The following PPFIBP1 variants were observed in gnomAD, a reference collection of about 807,000 sequenced individuals.
The protein encoded by PPFIBP1 is liprin-beta-1.
In PPFIBP1, 112 loss-of-function variants were observed where a neutral mutation model predicts 137.8. The observed-to-expected ratio is 0.81, with a 90% confidence interval of 0.70 to 0.95. The LOEUF is 0.95. Ranked by LOEUF, PPFIBP1 falls within the 40% of genes least tolerant of loss-of-function variation. The probability of loss-of-function intolerance (pLI) is 0.00; values close to 1 mark genes in which losing one functional copy is unlikely to be tolerated. For synonymous variants in PPFIBP1, 378 were observed against 417.3 expected (o/e 0.91, Z 1.15); for missense variants, 1,083 against 1,196.6 (o/e 0.91, Z 1.40).
intron 2 of PPFIBP1, among the ~76,000 whole-genome samples, chr12:27,626,868 A>G (rs1394566660): frequency 1.3e-5 from 2 of 152,090 alleles, no homozygotes; most frequent in Non-Finnish European, 2.9e-5. Context: ...GTCTGGCAGG[A>G]TTTGCATTTC....
intron 2 of PPFIBP1, among the ~76,000 whole-genome samples, chr12:27,614,891 T>C (rs2055573425): frequency 6.6e-6 from 1 of 152,228 alleles, no homozygotes. Flanking sequence ...AATTAATTAA[T>C]GAAACAGAAA....
chr12:27,547,008 C>T (rs965729939), intron 1 of PPFIBP1: 1 of 152,258 alleles, frequency 6.6e-6, no homozygotes, highest in Non-Finnish European at 1.5e-5. Flanking sequence ...CCTCAAAAAA[C>T]AAAAACAAAT....
Position 27,647,856 on chromosome 12 carries a change from C to T in PPFIBP1, c.471+14C>T, listed in dbSNP as rs370033621. 4 of 1,602,406 alleles carry T rather than the reference C, an allele frequency of 2.5e-6. No homozygotes were observed. The highest frequency in any genetic ancestry group is 2.3e-5 in the South Asian group (2 of 88,664). Reference sequence around the variant, plus strand: ...ATGCTGCAGCAGGTATGTGCAGAGGCCAGAACCAAGATGGGATTTCCCTGC... The same window carrying T: ...ATGCTGCAGCAGGTATGTGCAGAGGTCAGAACCAAGATGGGATTTCCCTGC... On this transcript the variant is annotated intron_variant, in intron 6 of 29. Coordinates refer to ENST00000228425, the MANE Select transcript of PPFIBP1 (RefSeq NM_003622.4).
At chr12:27,631,657 T>C (rs564263776) in intron 2 of PPFIBP1, among the ~76,000 whole-genome samples, 1 of 152,308 alleles carries the variant, frequency 6.6e-6, no homozygotes, top group Admixed American at 6.5e-5. Flanking sequence ...AAAAGCATGG[T>C]CTAGATTGTC....
intron 1 of PPFIBP1, among the ~76,000 whole-genome samples, chr12:27,562,012 C>T (rs150035931): frequency 4.6e-5 from 7 of 152,200 alleles, no homozygotes; most frequent in Non-Finnish European, 1.0e-4. Flanking sequence ...ATTGCCACAG[C>T]ACTCCAGTCT....
rs539784585 is a variant in PPFIBP1 at position 27,692,069 on chromosome 12, C to A, written c.2865+141C>A. On this transcript the variant is annotated intron_variant, in intron 28 of 29. Transcript: ENST00000228425. ...ATAATAATAGTGAACACTTAGAGATCACTTATATCTTCCAGGTACCATCCT... is the reference window on the plus strand; with the variant it reads ...ATAATAATAGTGAACACTTAGAGATAACTTATATCTTCCAGGTACCATCCT... 1.1e-4 allele frequency: 77 copies of A among 696,852 alleles called. No homozygotes were observed. In the African/African-American group the frequency reaches 1.2e-3, roughly 11 times the overall value. 43.2% of individuals were successfully genotyped at this position (696,852 alleles called of 1,614,324 possible).
At chr12:27,554,793 TTTAAGAGGAATGTTGCCAAA>T (rs1249982049) in intron 1 of PPFIBP1, among the ~76,000 whole-genome samples, 1 of 151,980 alleles carries the variant, frequency 6.6e-6, no homozygotes, top group Non-Finnish European at 1.5e-5. Flanking sequence ...CTCCATACAC[TTTAAGAGGAATGTTGCCAAA>T]TTGGAATGTT....
intron 2 of PPFIBP1, among the ~76,000 whole-genome samples, chr12:27,619,251 A>C (rs74736236): frequency 8.1e-4 from 123 of 152,338 alleles, no homozygotes; most frequent in African/African-American, 2.5e-3. Context: ...ACGTAAGAAT[A>C]TCCTCCTGTA....
chr12:27,583,039 A>T (rs1244474954), intron 2 of PPFIBP1, among the ~76,000 whole-genome samples: 2 of 152,180 alleles, frequency 1.3e-5, no homozygotes, highest in East Asian at 1.9e-4. Flanking sequence ...GTACTGTGAT[A>T]TTAAGATATT....
chr12:27,692,335 G>A (rs1056652093), intron 28 of PPFIBP1, among the ~76,000 whole-genome samples: 1 of 152,130 alleles, frequency 6.6e-6, no homozygotes, highest in Non-Finnish European at 1.5e-5. Flanking sequence ...TCGTGGGACC[G>A]CATATTTCCC....
intron 2 of PPFIBP1, among the ~76,000 whole-genome samples, chr12:27,598,452 C>T (rs1247892999): frequency 1.3e-5 from 2 of 152,148 alleles, no homozygotes; most frequent in African/African-American, 4.8e-5. Context: ...CTGGGTCCCT[C>T]CCACAACACC....
chr12:27,543,861 G>C (rs1592350023), intron 1 of PPFIBP1, among the ~76,000 whole-genome samples: 3 of 126,608 alleles, frequency 2.4e-5, no homozygotes, highest in Non-Finnish European at 1.7e-5. Flanking sequence ...TTTTTTCCCA[G>C]CCCCCCACCC....
intron 1 of PPFIBP1, among the ~76,000 whole-genome samples, chr12:27,537,623 A>T (rs2135940700): frequency 6.6e-6 from 1 of 152,268 alleles, no homozygotes; most frequent in East Asian, 1.9e-4. Context: ...TTATTAATAA[A>T]GAAGTTTCAG....
At chr12:27,590,722 A>G (rs1408679317) in intron 2 of PPFIBP1, among the ~76,000 whole-genome samples, 1 of 152,216 alleles carries the variant, frequency 6.6e-6, no homozygotes, top group East Asian at 1.9e-4. Flanking sequence ...CAGTCAGGAA[A>G]TGGGGAGGGA....
intron 1 of PPFIBP1, among the ~76,000 whole-genome samples, chr12:27,550,992 T>TATATA (rs1491167502): frequency 0.026 from 2,329 of 88,880 alleles, 67 homozygotes; most frequent in African/African-American, 0.081. Flanking sequence ...TATATATATA[T>TATATA]TTTTTTTTTT....
chr12:27,549,910 T>C lies in PPFIBP1; in HGVS notation c.-124+25545T>C, dbSNP rs536296126. Among the ~76,000 whole-genome samples, 73 of 152,320 alleles carry C rather than the reference T, an allele frequency of 4.8e-4. No individual in the cohort carries two copies. In the South Asian group the frequency reaches 0.015, roughly 31 times the overall value. On this transcript the variant is annotated intron_variant, in intron 1 of 29. Coordinates refer to ENST00000228425, the MANE Select transcript of PPFIBP1 (RefSeq NM_003622.4). ...CGAGACCTTGAAGCGTGGGAGAGCT[T>C]CGCCTCTTTCGTAAGCTGATGTTGC...
At chr12:27,672,396 TAATA>T (rs2060256167) in intron 14 of PPFIBP1, 27 bp from the exon 15 acceptor site, 1 of 1,560,710 alleles carries the variant, frequency 6.4e-7, no homozygotes, top group Non-Finnish European at 8.8e-7. Context: ...TTCGTGAAGT[TAATA>T]AATACCTTTT....
intron 2 of PPFIBP1, among the ~76,000 whole-genome samples, chr12:27,583,112 G>C (rs530307755): frequency 6.6e-6 from 1 of 152,158 alleles, no homozygotes; most frequent in Admixed American, 6.5e-5. Flanking sequence ...CTCTATTTTG[G>C]ATGTAACTTT....
At chr12:27,612,923 TAC>T (rs1421578087) in intron 2 of PPFIBP1, among the ~76,000 whole-genome samples, 3 of 111,448 alleles carry the variant, frequency 2.7e-5, no homozygotes, top group African/African-American at 9.1e-5. Flanking sequence ...GGTTAGATAA[TAC>T]ACATCATCAT....
Sources: allele counts gnomAD v4.1 joint callset (sites outside exome capture counted in the v4.1 genomes callset), GRCh38; gene constraint gnomAD v4.1.1; transcripts MANE v1.5; gene names NCBI Gene and HGNC (gene_info 2026-07-23, HGNC 2026-07-21).